Variants in SUMF1 observed in about 807,000 individuals in gnomAD.
SUMF1 encodes sulfatase modifying factor 1.
In SUMF1, 48 loss-of-function variants were observed where a neutral mutation model predicts 47.6. The observed-to-expected ratio is 1.01, with a 90% CI of 0.80 to 1.28. SUMF1 has a LOEUF of 1.28. Ranked by LOEUF, SUMF1 falls within the 50% of genes most tolerant of loss-of-function variation. SUMF1 has a pLI of 0.00. For synonymous variants in SUMF1, 230 were observed against 192.1 expected (o/e 1.20, Z -1.63); for missense variants, 571 against 485.4 (o/e 1.18, Z -1.66).
At chr3:4,320,927 T>G (rs780809579) in intron 8 of SUMF1, among the ~76,000 whole-genome samples, 5 of 152,160 alleles carry the variant, frequency 3.3e-5, no homozygotes, top group Non-Finnish European at 7.4e-5. Context: ...CCTTTCAATT[T>G]CCTTTAATTC....
At chr3:4,105,821 T>C (rs1693145521) in intron 8 of SUMF1, among the ~76,000 whole-genome samples, 1 of 152,118 alleles carries the variant, frequency 6.6e-6, no homozygotes, top group Non-Finnish European at 1.5e-5. Flanking sequence ...TTTTTATATG[T>C]TATTTACATA....
chr3:4,290,523 G>C (rs977171971), intron 8 of SUMF1, among the ~76,000 whole-genome samples: 2 of 152,134 alleles, frequency 1.3e-5, no homozygotes, highest in Non-Finnish European at 2.9e-5. Flanking sequence ...TTTTAAGAAC[G>C]AGAAGGTAAC....
At chr3:4,070,803 T>A (rs1357733904) in intron 8 of SUMF1, among the ~76,000 whole-genome samples, 1 of 152,056 alleles carries the variant, frequency 6.6e-6, no homozygotes, top group Admixed American at 6.5e-5. Flanking sequence ...GCCTAATTTT[T>A]TGCATATTTA....
chr3:4,065,192 G>T (rs17039761), intron 9 of SUMF1, among the ~76,000 whole-genome samples: 1 of 151,994 alleles, frequency 6.6e-6, no homozygotes, highest in South Asian at 2.1e-4. Context: ...AGTTTCTTCC[G>T]CATTTCAAGA....
rs1300359308 is a variant in SUMF1, at chr3:4,361,931, G to A, written c.*213C>T. 10 of 568,712 alleles carry A rather than the reference G, an allele frequency of 1.8e-5. No individual in the cohort carries two copies. Among genetic ancestry groups the A allele is most frequent in the African/African-American group, 3.8e-5 (2 of 53,110 alleles). The allele number at this position is 568,712 out of a possible 1,614,324, so 35.2% of individuals were successfully genotyped here. On this transcript the variant is annotated 3_prime_UTR_variant, in exon 9 of 9. Transcript: ENST00000272902. ...AAGACTCTCAAAAGTAAAATATGGTGATGATCTCCAAAGATGCACCACACC... is the reference window on the plus strand; with the variant it reads ...AAGACTCTCAAAAGTAAAATATGGTAATGATCTCCAAAGATGCACCACACC...
intron 8 of SUMF1, among the ~76,000 whole-genome samples, chr3:4,319,882 A>G (rs1196937418): frequency 6.6e-6 from 1 of 152,210 alleles, no homozygotes; most frequent in Non-Finnish European, 1.5e-5. Context: ...GCATACTGTT[A>G]AGTGAGAGAA....
chr3:4,146,868 A>T (rs1694206034), intron 8 of SUMF1, among the ~76,000 whole-genome samples: 1 of 152,116 alleles, frequency 6.6e-6, no homozygotes, highest in African/African-American at 2.4e-5. Flanking sequence ...ACATGAACTC[A>T]TCATTTTTTA....
Position 4,365,403 on chromosome 3 carries a change from T to C in SUMF1, c.1015-3149A>G, listed in dbSNP as rs1385882886. Among the ~76,000 whole-genome samples the C allele has an allele frequency of 3.2e-5, 4 of 123,912 alleles. 2 individuals carry two copies. Among genetic ancestry groups the C allele is most frequent in the Non-Finnish European group, 7.6e-5 (4 of 52,686 alleles). 81.3% of individuals were successfully genotyped at this position (123,912 alleles called of 152,430 possible). On this transcript the variant is annotated intron_variant, in intron 8 of 8. Coordinates refer to ENST00000272902, the MANE Select transcript of SUMF1 (RefSeq NM_182760.4). ...TGCTTTATGAATCTGGGTGCTTCTGTATTGGGTGCATATATATTTAGGATA... is the reference window on the plus strand; with the variant it reads ...TGCTTTATGAATCTGGGTGCTTCTGCATTGGGTGCATATATATTTAGGATA...
intron 3 of SUMF1, among the ~76,000 whole-genome samples, chr3:4,432,443 T>G (rs950149324): frequency 1.3e-5 from 2 of 152,168 alleles, no homozygotes; most frequent in Non-Finnish European, 2.9e-5. Context: ...GTGTTTCAGA[T>G]GAAAACCAAA....
At chr3:4,131,427 CA>C (rs1359122307) in intron 8 of SUMF1, among the ~76,000 whole-genome samples, 1 of 152,110 alleles carries the variant, frequency 6.6e-6, no homozygotes, top group Non-Finnish European at 1.5e-5. Context: ...TGGGTCTGCA[CA>C]ATATGCAAGC....
At chr3:4,153,715 T>C (rs1461727487) in intron 8 of SUMF1, among the ~76,000 whole-genome samples, 1 of 151,614 alleles carries the variant, frequency 6.6e-6, no homozygotes, top group African/African-American at 2.4e-5. Context: ...TACATTACCA[T>C]TCACCTCCTT....
intron 8 of SUMF1, among the ~76,000 whole-genome samples, chr3:4,341,484 T>C (rs1042721366): frequency 1.3e-5 from 2 of 152,194 alleles, no homozygotes; most frequent in African/African-American, 4.8e-5. Context: ...TTTTTTTTAA[T>C]CTGCCAAATG....
At chr3:4,209,185 C>T (rs941261714) in intron 8 of SUMF1, among the ~76,000 whole-genome samples, 55 of 152,068 alleles carry the variant, frequency 3.6e-4, no homozygotes, top group African/African-American at 1.2e-3. Context: ...CTATTATATA[C>T]GTGCTGCTGC....
chr3:4,175,622 C>G (rs549940653), intron 8 of SUMF1, among the ~76,000 whole-genome samples: 2 of 152,240 alleles, frequency 1.3e-5, no homozygotes, highest in African/African-American at 2.4e-5. Flanking sequence ...AAAAATCGAG[C>G]AGTTTTCTTC....
chr3:4,150,621 G>C (rs1418468133), intron 8 of SUMF1, among the ~76,000 whole-genome samples: 2 of 151,344 alleles, frequency 1.3e-5, no homozygotes, highest in African/African-American at 4.9e-5. Context: ...CTGGGCTCAA[G>C]TAATTCTACC....
At chr3:4,459,323 T>G (rs2079749572) in intron 1 of SUMF1, among the ~76,000 whole-genome samples, 1 of 151,748 alleles carries the variant, frequency 6.6e-6, no homozygotes, top group Non-Finnish European at 1.5e-5. Flanking sequence ...AAATTATTTG[T>G]CAATTAAAAA....
intron 8 of SUMF1, among the ~76,000 whole-genome samples, chr3:4,331,629 T>C (rs1699053517): frequency 6.6e-6 from 1 of 152,078 alleles, no homozygotes; most frequent in South Asian, 2.1e-4. Context: ...GGAGTTCAAG[T>C]CCAGACTATG....
intron 8 of SUMF1, among the ~76,000 whole-genome samples, chr3:4,136,334 G>C (rs1312285905): frequency 1.3e-5 from 2 of 152,070 alleles, no homozygotes; most frequent in East Asian, 3.9e-4. Context: ...ACAACCATCT[G>C]ATCTTTGACA....
chr3:4,166,004 A>G (rs546826794), intron 8 of SUMF1, among the ~76,000 whole-genome samples: 36 of 152,072 alleles, frequency 2.4e-4, no homozygotes, highest in Admixed American at 3.9e-4. Context: ...AGAATAGTTG[A>G]GCTCACCAAT....
Sources: allele counts gnomAD v4.1 joint callset (sites outside exome capture counted in the v4.1 genomes callset), GRCh38; gene constraint gnomAD v4.1.1; transcripts MANE v1.5; gene names NCBI Gene and HGNC (gene_info 2026-07-23, HGNC 2026-07-21).